The following ADAMTS1 variants were observed in gnomAD, a reference collection of about 807,000 sequenced individuals.
ADAMTS1 encodes the protein ADAM metallopeptidase with thrombospondin type 1 motif 1, also known as A disintegrin and metalloproteinase with thrombospondin motifs 1.
In ADAMTS1, 19 loss-of-function variants were observed where a neutral mutation model predicts 87.9. The observed-to-expected ratio is 0.22, with a 90% CI of 0.15 to 0.32. The LOEUF (loss-of-function observed/expected upper bound fraction) is 0.32. Among genes scored for constraint, ADAMTS1 ranks in the 10% least tolerant of loss-of-function variants. The probability of loss-of-function intolerance (pLI) is 1.00; values close to 1 mark genes in which losing one functional copy is unlikely to be tolerated. For synonymous variants in ADAMTS1, 542 were observed against 501.8 expected (o/e 1.08, Z -1.07); for missense variants, 1,240 against 1,259.1 (o/e 0.98, Z 0.23).
Position 26,837,388 on chromosome 21 carries a change from T to C in ADAMTS1, c.*191A>G. The C allele has an allele frequency of 1.7e-6, 1 of 590,650 alleles. No homozygotes were observed. The highest frequency in any genetic ancestry group is 3.0e-6 in the Non-Finnish European group (1 of 332,948). The allele number at this position is 590,650 out of a possible 1,614,324, so 36.6% of individuals were successfully genotyped here. A position where few individuals can be genotyped will look rare whatever the true frequency, so the allele number is the denominator to read the frequency against. On this transcript the variant is annotated 3_prime_UTR_variant, in exon 9 of 9. Transcript: ENST00000284984. Reference sequence around the variant, plus strand: ...GGTTAATAATCCTCACTAACTATCCTATCAAATTTGCAACTGGCAGTTTAC... The same window carrying C: ...GGTTAATAATCCTCACTAACTATCCCATCAAATTTGCAACTGGCAGTTTAC...
At chr21:26,841,696 TA>T in intron 3 of ADAMTS1, 161 bp downstream of exon 3, 1 of 793,638 alleles carries the variant, frequency 1.3e-6, no homozygotes, top group Non-Finnish European at 1.9e-6. Flanking sequence ...TTTACTTTAA[TA>T]AAAATGACCA....
At position 26,838,107 on chromosome 21, in the gene ADAMTS1, AAT is replaced by A; in HGVS notation, c.2374_2375del (p.Ile792TyrfsTer23). ...DYTLSTLEQD[I>X]MYKGVVLRYS... is the part of the protein sequence containing the mutation. ...ACCTCAAGACAACACCTTTGTACAT[AAT>A]GTCTTGCTCTAAGGTGGACAAAGTG... On this transcript the variant is annotated frameshift_variant, in exon 9 of 9. Coordinates refer to ENST00000284984, the MANE Select transcript of ADAMTS1 (RefSeq NM_006988.5). LOFTEE classifies it high-confidence loss of function. The A allele has an allele frequency of 6.2e-7, 1 of 1,614,146 alleles. No homozygotes were observed. The highest frequency in any genetic ancestry group is 2.2e-5 in the East Asian group (1 of 44,868).
chr21:26,839,428 A>G (rs1304330809), intron 7 of ADAMTS1, 159 bp downstream of exon 7: 1 of 654,670 alleles, frequency 1.5e-6, no homozygotes, highest in African/African-American at 1.8e-5. Context: ...ACTAAACTCA[A>G]AGCAGGCAGT....
At chr21:26,840,705 G>A in intron 4 of ADAMTS1, 143 bp from the exon 5 acceptor site, 1 of 969,712 alleles carries the variant, frequency 1.0e-6, no homozygotes, top group Non-Finnish European at 1.5e-6. Context: ...GGGAAATGCT[G>A]AAGAGATTTA....
Position 26,841,937 on chromosome 21 carries a change from A to G in ADAMTS1, c.1131T>C (p.Thr377=), listed in dbSNP as rs1985502377. The G allele has an allele frequency of 2.5e-6, 4 of 1,614,182 alleles. No homozygotes were observed. The highest frequency in any genetic ancestry group is 1.1e-5 in the South Asian group (1 of 91,070). Residue 377 remains threonine, a synonymous_variant, in exon 3 of 9, where the codon ACT becomes ACC. Coordinates refer to ENST00000284984, the MANE Select transcript of ADAMTS1 (RefSeq NM_006988.5). ...CDTLGMADVG[T]VCDPSRSCSV... ...AGCAGCTTCTGCTCGGATCACACAC[A>G]GTTCCAACATCAGCCATCCCAAGAG...
At chr21:26,843,232 C>T (rs1453044452) in intron 1 of ADAMTS1, among the ~76,000 whole-genome samples, 1 of 152,222 alleles carries the variant, frequency 6.6e-6, no homozygotes, top group African/African-American at 2.4e-5. Context: ...GGACCACCCA[C>T]TCTGCCCAGC....
chr21:26,838,735 C>T (rs1474445814), intron 7 of ADAMTS1, 121 bp from the exon 8 acceptor site: 1 of 927,380 alleles, frequency 1.1e-6, no homozygotes. Flanking sequence ...GTACCCTCTA[C>T]ACATTATGCA....
chr21:26,840,214 C>T (rs1393524049), intron 5 of ADAMTS1, 62 bp downstream of exon 5: 2 of 1,574,174 alleles, frequency 1.3e-6, no homozygotes, highest in Admixed American at 3.4e-5. Context: ...AACTTGGTAT[C>T]ATATCTTTTA....
At chr21:26,841,691 T>C in intron 3 of ADAMTS1, 167 bp downstream of exon 3, 1 of 748,048 alleles carries the variant, frequency 1.3e-6, no homozygotes, top group Non-Finnish European at 2.0e-6. Flanking sequence ...TATTTTTTAC[T>C]TTAATAAAAA....
chr21:26,843,410 A>G, intron 1 of ADAMTS1: 1 of 457,696 alleles, frequency 2.2e-6, no homozygotes, highest in African/African-American at 2.0e-5. Flanking sequence ...GCAGGGGAAA[A>G]GGGGAGAATT....
intron 1 of ADAMTS1, chr21:26,843,339 C>T: frequency 5.0e-6 from 2 of 398,572 alleles, no homozygotes; most frequent in Non-Finnish European, 1.0e-5. Flanking sequence ...CGGACTGAGA[C>T]CCAACCCCTG....
Position 26,844,707 on chromosome 21 carries a change from T to A in ADAMTS1, c.248A>T (p.Gln83Leu). The change falls in exon 1 of 9, where the codon CAG (glutamine) becomes CTG (leucine). Residue 83 changes from glutamine to leucine, a missense_variant. Gln to Leu is a moderately radical substitution (Grantham distance 113). Around this residue, in one of 3 missense-constraint regions of ADAMTS1, gnomAD observed 521 missense variants for 449.7 expected, o/e 1.16. Transcript: ENST00000284984. ...GGGCCGCAGCTCCAGATCCAGCTGCTGGTCAAAGGCGTGCAGGCGGAGGCG... is the reference window on the plus strand; with the variant it reads ...GGGCCGCAGCTCCAGATCCAGCTGCAGGTCAAAGGCGTGCAGGCGGAGGCG... The part of the protein sequence containing the change: ...TTRLRLHAFD[Q>L]QLDLELRPDS... The A allele has an allele frequency of 6.3e-7, 1 of 1,588,674 alleles. No homozygotes were observed. The highest frequency in any genetic ancestry group is 8.6e-7 in the Non-Finnish European group (1 of 1,167,042).
Position 26,845,114 on chromosome 21 carries a change from C to A in ADAMTS1, c.-160G>T. The A allele has an allele frequency of 9.4e-7, 1 of 1,063,148 alleles. No homozygotes were observed. Among genetic ancestry groups the A allele is most frequent in the Non-Finnish European group, 1.2e-6 (1 of 819,860 alleles). The allele number at this position is 1,063,148 out of a possible 1,614,324, so 65.9% of individuals were successfully genotyped here. On this transcript the variant is annotated 5_prime_UTR_variant, in exon 1 of 9. Transcript: ENST00000284984. ...GCAGAGCCGGCTACAGCCGAAGCTCCCGGAGTCACTAAAAGGAGGCGCTGC... is the reference window on the plus strand; with the variant it reads ...GCAGAGCCGGCTACAGCCGAAGCTCACGGAGTCACTAAAAGGAGGCGCTGC...
At position 26,844,600 on chromosome 21, in the gene ADAMTS1, C is replaced by T. The variant is rs200809949; in HGVS notation, c.355G>A (p.Asp119Asn). ...SGSETPLPET[D>N]LAHCFYSGTV... is the part of the protein sequence containing the mutation. ...CCGGAGTAGAAGCAGTGCGCCAGGT[C>T]GGTTTCCGGAAGCGGCGTCTCGGAC... Residue 119 changes from aspartate to asparagine, a missense_variant, in exon 1 of 9, where the codon GAC becomes AAC. Physicochemically the swap from Asp to Asn is conservative, Grantham distance 23. Transcript: ENST00000284984. 2.5e-6 allele frequency: 4 copies of T among 1,610,680 alleles called. No individual in the cohort carries two copies. The highest frequency in any genetic ancestry group is 3.4e-6 in the Non-Finnish European group (4 of 1,178,702).
At chr21:26,839,366 C>T in intron 7 of ADAMTS1, 1 of 443,978 alleles carries the variant, frequency 2.3e-6, no homozygotes, top group East Asian at 3.5e-5. Flanking sequence ...TAATAGCGAG[C>T]AATTGCAAGC....
intron 1 of ADAMTS1, 51 bp downstream of exon 1, chr21:26,844,170 GATAA>G: frequency 6.6e-7 from 1 of 1,508,824 alleles, no homozygotes; most frequent in Non-Finnish European, 8.9e-7. Context: ...GCGTGGGATA[GATAA>G]AGTGAGGAGA....
In ADAMTS1 at chr21:26,842,570, A is replaced by G; in HGVS notation, c.846T>C (p.Leu282=). 6.2e-7 allele frequency: 1 copy of G among 1,614,166 alleles called. No individual in the cohort carries two copies. Among genetic ancestry groups the G allele is most frequent in the Non-Finnish European group, 8.5e-7 (1 of 1,180,026 alleles). ...TGGCTGCCACCGAAAACAACGTGAG[A>G]AGGTAATGCTTTAGACCACTGCCGT... The part of the protein sequence containing the change: ...EFHGSGLKHY[L]LTLFSVAARL... The change falls in exon 2 of 9, where the codon CTT becomes CTC. Residue 282 remains leucine (L), a synonymous_variant. Transcript: ENST00000284984.
At chr21:26,840,880 G>C (rs1985479443) in intron 4 of ADAMTS1, 118 bp downstream of exon 4, 2 of 1,284,612 alleles carry the variant, frequency 1.6e-6, no homozygotes. Flanking sequence ...TCTTGACAGA[G>C]GAAAAGTAAT....
Position 26,838,465 on chromosome 21 carries a change from T to G in ADAMTS1, c.2178A>C (p.Lys726Asn), listed in dbSNP as rs770313165. The G allele has an allele frequency of 4.3e-6, 7 of 1,614,206 alleles. No individual in the cohort carries two copies. The highest frequency in any genetic ancestry group is 5.9e-6 in the Non-Finnish European group (7 of 1,180,028). Reference protein sequence around the residue: ...VCGGNGSTCKKISGSVTSAKP... With the variant: ...VCGGNGSTCKNISGSVTSAKP... ...TTGCACTAGTAACTGATCCTGATATTTTTTTACAAGTAGATCCATTTCCCC... is the reference window on the plus strand; with the variant it reads ...TTGCACTAGTAACTGATCCTGATATGTTTTTACAAGTAGATCCATTTCCCC... The change falls in exon 8 of 9, where the codon AAA (lysine) becomes AAC (asparagine). Residue 726 changes from lysine to asparagine, a missense_variant. Around this residue, in one of 3 missense-constraint regions of ADAMTS1, gnomAD observed 402 missense variants for 399.1 expected, o/e 1.01. Coordinates refer to ENST00000284984, the MANE Select transcript of ADAMTS1 (RefSeq NM_006988.5).
Sources: gnomAD v4.1 joint callset for allele counts (sites outside exome capture counted in the v4.1 genomes callset) on GRCh38, gnomAD v4.1.1 for gene constraint, gnomAD v4.1.1 regional missense constraint, MANE v1.5 for transcripts, NCBI Gene and HGNC (gene_info 2026-07-23, HGNC 2026-07-21) for gene names.